Variants in ABCC2 observed in about 807,000 individuals in gnomAD.
ABCC2 encodes the protein ATP binding cassette subfamily C member 2, also known as ATP-binding cassette sub-family C member 2.
In ABCC2, 157 loss-of-function variants were observed where a neutral mutation model predicts 173.4. That is an observed-to-expected ratio of 0.91 (90% CI 0.80 to 1.03). The LOEUF is 1.03. Among genes scored for constraint, ABCC2 ranks in the 50% least tolerant of loss-of-function variants. ABCC2 has a pLI of 0.00. For missense variants in ABCC2, 1,822 were observed against 1,852.3 expected, an observed-to-expected ratio of 0.98 and a Z score of 0.30; for synonymous variants, 657 against 693.5, an observed-to-expected ratio of 0.95 and a Z score of 0.83.
At position 99,829,762 on chromosome 10, in the gene ABCC2, G is replaced by A. The variant is rs76559554; in HGVS notation, c.2621-545G>A. On this transcript the variant is annotated intron_variant, in intron 19 of 31. Transcript: ENST00000647814. ...TCACCTCAGCCTCCCAAGTAGCTGGGACCACAGGCATGCACCATCACACCC... is the reference window on the plus strand; with the variant it reads ...TCACCTCAGCCTCCCAAGTAGCTGGAACCACAGGCATGCACCATCACACCC... 4.7e-4 allele frequency among the ~76,000 whole-genome samples: 71 copies of A among 152,174 alleles called. 4 individuals carry two copies. The East Asian group carries it at 0.013, about 27-fold the overall frequency.
intron 2 of ABCC2, among the ~76,000 whole-genome samples, chr10:99,785,369 G>T (rs1212805050): frequency 6.6e-6 from 1 of 152,198 alleles, no homozygotes; most frequent in Non-Finnish European, 1.5e-5. Flanking sequence ...GAGGGGCCAG[G>T]AGGGGAGGAG....
intron 30 of ABCC2, among the ~76,000 whole-genome samples, chr10:99,847,918 A>AAAAC (rs112361790): frequency 0.087 from 13,189 of 152,002 alleles, 822 homozygotes; most frequent in Middle Eastern, 0.18. Flanking sequence ...ACTCCATCTC[A>AAAAC]AAACAAACAA....
intron 20 of ABCC2, 44 bp from the exon 21 acceptor site, chr10:99,830,672 C>G: frequency 6.2e-7 from 1 of 1,613,620 alleles, no homozygotes; most frequent in Non-Finnish European, 8.5e-7. Context: ...GCAAGAAGAC[C>G]CTTGGGAATT....
intron 20 of ABCC2, 60 bp from the exon 21 acceptor site, chr10:99,830,656 C>G (rs991406896): frequency 9.9e-6 from 16 of 1,612,356 alleles, no homozygotes; most frequent in African/African-American, 1.3e-5. Flanking sequence ...ACTGTGACAT[C>G]TGCTTGCAAG....
chr10:99,804,144 T>G lies in ABCC2; in HGVS notation c.1335T>G (p.Val445=), dbSNP rs1564677114. 5 of 1,614,182 alleles carry G rather than the reference T, an allele frequency of 3.1e-6. No individual in the cohort carries two copies. The highest frequency in any genetic ancestry group is 4.2e-6 in the Non-Finnish European group (5 of 1,180,034). ...TNFMHMLWSS[V]LQIVLSIFFL... is the part of the protein sequence containing the mutation. ...TCATGCACATGCTGTGGTCAAGTGT[T>G]CTACAGATTGTCTTATCTATCTTCT... Residue 445 remains valine (V), a synonymous_variant, in exon 10 of 32, where the codon GTT becomes GTG. Transcript: ENST00000647814.
chr10:99,793,176 A>C (rs1311968531), intron 3 of ABCC2, among the ~76,000 whole-genome samples: 1 of 152,238 alleles, frequency 6.6e-6, no homozygotes, highest in East Asian at 1.9e-4. Flanking sequence ...AGCTACAGAC[A>C]CCTTGCACCT....
chr10:99,840,467 G>A (rs1590189563), intron 25 of ABCC2, among the ~76,000 whole-genome samples: 2 of 141,822 alleles, frequency 1.4e-5, no homozygotes, highest in East Asian at 2.6e-4. Context: ...CTCCGGCGCC[G>A]CGACCTCCTC....
In ABCC2 at chr10:99,804,057, C is replaced by G. The variant is rs762910416; in HGVS notation, c.1248C>G (p.Thr416=). Residue 416 remains threonine (T), a synonymous_variant, in exon 10 of 32, where the codon ACC becomes ACG. Coordinates refer to ENST00000647814, the MANE Select transcript of ABCC2 (RefSeq NM_000392.5). The stretch of plus-strand genomic sequence containing the variant: ...CCAACTTGGCCAGGAAGGAGTACAC[C>G]GTTGGAGAAACAGTGAACCTGATGT... ...TLSNLARKEY[T]VGETVNLMSV... The G allele has an allele frequency of 3.1e-6, 5 of 1,614,062 alleles. No individual in the cohort carries two copies. The highest frequency in any genetic ancestry group is 4.2e-6 in the Non-Finnish European group (5 of 1,180,000).
chr10:99,845,461 C>A (rs2039003091), intron 28 of ABCC2, among the ~76,000 whole-genome samples, 163 bp from the exon 29 acceptor site: 1 of 152,162 alleles, frequency 6.6e-6, no homozygotes, highest in African/African-American at 2.4e-5. Context: ...TTTCTGACAT[C>A]TGGGTACTTT....
At chr10:99,802,512 T>TCC (rs1410360124) in intron 9 of ABCC2, among the ~76,000 whole-genome samples, 5 of 142,472 alleles carry the variant, frequency 3.5e-5, no homozygotes, top group Non-Finnish European at 4.6e-5. Context: ...TTTTTTTTTT[T>TCC]CCCCTCTTCC....
chr10:99,802,008 T>C (rs776405127), intron 9 of ABCC2, among the ~76,000 whole-genome samples: 16 of 152,228 alleles, frequency 1.1e-4, no homozygotes, highest in Non-Finnish European at 1.6e-4. Context: ...CTGGAGATAC[T>C]GAGTTTCTGC....
intron 6 of ABCC2, among the ~76,000 whole-genome samples, chr10:99,794,867 C>A (rs1487813832): frequency 6.6e-6 from 1 of 152,150 alleles, no homozygotes; most frequent in East Asian, 1.9e-4. Context: ...AAAAATGCCT[C>A]CTGTGACCTC....
intron 24 of ABCC2, among the ~76,000 whole-genome samples, chr10:99,835,239 C>T (rs973378272): frequency 1.3e-5 from 2 of 152,202 alleles, no homozygotes; most frequent in Admixed American, 6.5e-5. Context: ...GGCTCGTGGC[C>T]TTGTGGCCTG....
chr10:99,851,810 G>A lies in ABCC2; in HGVS notation c.*179G>A. The A allele has an allele frequency of 1.7e-6, 1 of 577,398 alleles. No individual in the cohort carries two copies. Among genetic ancestry groups the A allele is most frequent in the Non-Finnish European group, 2.8e-6 (1 of 351,360 alleles). 35.8% of individuals were successfully genotyped at this position (577,398 alleles called of 1,614,324 possible). On this transcript the variant is annotated 3_prime_UTR_variant, in exon 32 of 32. Transcript: ENST00000647814. ...AAAATAAATGTCACCAGGTACTTGA[G>A]AAACCCCTCGATTGTCTACCTCGAT...
rs1660915499 is a variant in ABCC2, at chr10:99,831,826, C to T, written c.3099C>T (p.Ala1033=). ...GAGTCTACGGAGCTCTGGGATTAGCCCAAGGTATGTCTGATGGCTATGACA... is the reference window on the plus strand; with the variant it reads ...GAGTCTACGGAGCTCTGGGATTAGCTCAAGGTATGTCTGATGGCTATGACA... ...RVGVYGALGL[A]QGIFVFIAHF... is the part of the protein sequence containing the mutation. The change falls in exon 22 of 32, where the codon GCC becomes GCT. Residue 1033 remains alanine, a synonymous_variant. Transcript: ENST00000647814. The T allele has an allele frequency of 1.2e-6, 2 of 1,614,008 alleles. No homozygotes were observed. The highest frequency in any genetic ancestry group is 8.5e-7 in the Non-Finnish European group (1 of 1,179,952).
At chr10:99,842,223 A>G (rs2038959234) in intron 26 of ABCC2, 130 bp downstream of exon 26, 15 of 1,318,234 alleles carry the variant, frequency 1.1e-5, no homozygotes, top group Non-Finnish European at 1.6e-5. Flanking sequence ...CTGAGGTTCA[A>G]ACCCTGGCTC....
chr10:99,820,856 A>G (rs1309844540), intron 19 of ABCC2, among the ~76,000 whole-genome samples: 2 of 152,188 alleles, frequency 1.3e-5, no homozygotes, highest in Non-Finnish European at 2.9e-5. Flanking sequence ...GTTTCTCGTA[A>G]GGTGGAATGA....
At chr10:99,786,073 C>T (rs2037705727) in intron 2 of ABCC2, among the ~76,000 whole-genome samples, 1 of 152,124 alleles carries the variant, frequency 6.6e-6, no homozygotes, top group South Asian at 2.1e-4. Context: ...GTGCCCATCA[C>T]AGGACCTAGC....
At position 99,843,869 on chromosome 10, in the gene ABCC2, G is replaced by T; in HGVS notation, c.3812G>T (p.Arg1271Leu). 6.2e-7 allele frequency: 1 copy of T among 1,614,142 alleles called. No individual in the cohort carries two copies. The highest frequency in any genetic ancestry group is 1.1e-5 in the South Asian group (1 of 91,078). Residue 1271 changes from arginine to leucine, a missense_variant, in exon 27 of 32, where the codon CGA becomes CTA. By Grantham distance (102) the Arg-to-Leu change is moderately radical. Coordinates refer to ENST00000647814, the MANE Select transcript of ABCC2 (RefSeq NM_000392.5). ...EIETNIVAVE[R>L]ITEYTKVENE... ...GAGACCAACATTGTGGCTGTTGAGC[G>T]AATAACTGAGTACACAAAAGTGGAA...
Sources: allele counts gnomAD v4.1 joint callset (sites outside exome capture counted in the v4.1 genomes callset), GRCh38; gene constraint gnomAD v4.1.1; transcripts MANE v1.5; gene names NCBI Gene and HGNC (gene_info 2026-07-23, HGNC 2026-07-21).